Variants in ACTR1B observed in about 807,000 individuals in gnomAD.
ACTR1B encodes actin related protein 1B, also known as beta-centractin.
Under a neutral mutation model 49.4 loss-of-function variants are expected in ACTR1B, and 34 were observed. The ratio of observed to expected loss-of-function variants is 0.69; its 90% CI spans 0.52 to 0.92. The LOEUF (loss-of-function observed/expected upper bound fraction) is 0.92, where lower values mean the gene tolerates loss of function less well. Among genes scored for constraint, ACTR1B ranks in the 40% least tolerant of loss-of-function variants. The pLI is 0.00. For synonymous variants in ACTR1B, 207 were observed against 207.8 expected (o/e 1.00, Z 0.03); for missense variants, 471 against 522.4 (o/e 0.90, Z 0.96).
chr2:97,659,231 G>A lies in ACTR1B; in HGVS notation c.315+121C>T, dbSNP rs1674945881. Reference sequence around the variant, plus strand: ...ACGTATGCGCACCCAGACACACACGGAAAGGCAGCAGGCCCTCTAGAAATG... The same window carrying A: ...ACGTATGCGCACCCAGACACACACGAAAAGGCAGCAGGCCCTCTAGAAATG... On this transcript the variant is annotated intron_variant, in intron 4 of 10. Coordinates refer to ENST00000289228, the MANE Select transcript of ACTR1B (RefSeq NM_005735.4). The surrounding 1 kb of genome is among the most constrained non-coding windows in gnomAD (Gnocchi z 4.0). 28 of 1,512,516 alleles carry A rather than the reference G, an allele frequency of 1.9e-5. No individual in the cohort carries two copies. The South Asian group carries it at 3.4e-4, about 18-fold the overall frequency. 93.7% of individuals were successfully genotyped at this position (1,512,516 alleles called of 1,614,324 possible).
At position 97,660,261 on chromosome 2, in the gene ACTR1B, C is replaced by T. The variant is rs72949085; in HGVS notation, c.189+310G>A. On this transcript the variant is annotated intron_variant, in intron 3 of 10. Transcript: ENST00000289228. ...GACACTCCGGCTTCACTGTGAGAGG[C>T]GGCCCCATGGCCCTCATTAGAGCAG... 9.4e-3 allele frequency among the ~76,000 whole-genome samples: 1,437 copies of T among 152,354 alleles called. 31 individuals carry two copies. The highest frequency in any genetic ancestry group is 0.032 in the African/African-American group (1,344 of 41,582).
rs1391481041 is a variant in ACTR1B at position 97,659,495 on chromosome 2, G to A, written c.190-18C>T. 6.2e-7 allele frequency: 1 copy of A among 1,612,436 alleles called. No individual in the cohort carries two copies. Among genetic ancestry groups the A allele is most frequent in the South Asian group, 1.1e-5 (1 of 91,068 alleles). ...CGGTGCTCCTGGTGGGGTGGGAAGG[G>A]AGGTGTGGCACCCGGCCCTTGCTCA... On this transcript the variant is annotated intron_variant, in intron 3 of 10. Transcript: ENST00000289228. This position sits in a 1 kb window ranked among gnomAD's most constrained non-coding sequence, Gnocchi z 4.0.
intron 1 of ACTR1B, among the ~76,000 whole-genome samples, chr2:97,663,183 G>A (rs1675070475): frequency 6.6e-6 from 1 of 152,208 alleles, no homozygotes. Flanking sequence ...GCCACAGGAA[G>A]CCTGATGACA....
In ACTR1B at chr2:97,658,549, A is replaced by G. The variant is rs758801671; in HGVS notation, c.535T>C (p.Ser179Pro). 2 of 1,613,942 alleles carry G rather than the reference A, an allele frequency of 1.2e-6. No individual in the cohort carries two copies. Among genetic ancestry groups the G allele is most frequent in the African/African-American group, 1.3e-5 (1 of 74,878 alleles). ...PIYEGFAMPH[S>P]IMRVDIAGRD... ...CCGGCAATGTCCACCCGCATGATGG[A>G]GTGAGGCATGGCAAAGCCCTCATAG... Residue 179 changes from serine (S) to proline (P), a missense_variant, in exon 6 of 11, where the codon TCC (serine) becomes CCC (proline). Coordinates refer to ENST00000289228, the MANE Select transcript of ACTR1B (RefSeq NM_005735.4). This position sits in a 1 kb window ranked among gnomAD's most constrained non-coding sequence, Gnocchi z 5.9.
Position 97,663,974 on chromosome 2 carries a change from C to G in ACTR1B, c.-84G>C. The G allele has an allele frequency of 1.2e-6, 1 of 860,986 alleles. No homozygotes were observed. Among genetic ancestry groups the G allele is most frequent in the Non-Finnish European group, 1.5e-6 (1 of 652,916 alleles). The allele number at this position is 860,986 out of a possible 1,614,324, so 53.3% of individuals were successfully genotyped here. A position where few individuals can be genotyped will look rare whatever the true frequency, so the allele number is the denominator to read the frequency against. ...GCGGGCGGGAGGACCGGGACGGCGG[C>G]GGCTCCCGACGCGGCGCCGCTGCCC... On this transcript the variant is annotated 5_prime_UTR_variant, in exon 1 of 11. Transcript: ENST00000289228.
chr2:97,658,283 C>T lies in ACTR1B; in HGVS notation c.691G>A (p.Asp231Asn). Residue 231 changes from aspartate (D) to asparagine (N), a missense_variant, in exon 7 of 11, where the codon GAT becomes AAT. Transcript: ENST00000289228. The surrounding 1 kb of genome is among the most constrained non-coding windows in gnomAD (Gnocchi z 5.9). ...ACYLSINPQK[D>N]EALETEKVQY... The stretch of plus-strand genomic sequence containing the variant: ...ACCTTCTCCGTCTCCAGAGCCTCAT[C>T]CTTCTGTGGGTTGATGGACAGGTAG... The T allele has an allele frequency of 6.2e-7, 1 of 1,614,222 alleles. No individual in the cohort carries two copies. The highest frequency in any genetic ancestry group is 8.5e-7 in the Non-Finnish European group (1 of 1,180,032).
In ACTR1B at chr2:97,663,969, G is replaced by A. The variant is rs535781513; in HGVS notation, c.-79C>T. 14 of 886,148 alleles carry A rather than the reference G, an allele frequency of 1.6e-5. No homozygotes were observed. The South Asian group carries it at 4.5e-4, about 29-fold the overall frequency. 54.9% of individuals were successfully genotyped at this position (886,148 alleles called of 1,614,324 possible). ...GGCGGGCGGGCGGGAGGACCGGGAC[G>A]GCGGCGGCTCCCGACGCGGCGCCGC... On this transcript the variant is annotated 5_prime_UTR_variant, in exon 1 of 11. Transcript: ENST00000289228.
Position 97,658,870 on chromosome 2 carries a change from A to G in ACTR1B, c.440+9T>C. The G allele has an allele frequency of 3.7e-6, 6 of 1,613,970 alleles. No homozygotes were observed. The highest frequency in any genetic ancestry group is 5.1e-6 in the Non-Finnish European group (6 of 1,179,980). On this transcript the variant is annotated intron_variant, in intron 5 of 10. Coordinates refer to ENST00000289228, the MANE Select transcript of ACTR1B (RefSeq NM_005735.4). The surrounding 1 kb of genome is among the most constrained non-coding windows in gnomAD (Gnocchi z 5.9). ...GGACTCAGGGAGGCCAGGCTTAGGG[A>G]GCACTCACAGACTGAGCACAGCCTG...
In ACTR1B at chr2:97,656,715, G is replaced by A. The variant is rs1378010750; in HGVS notation, c.*143C>T. The A allele has an allele frequency of 9.1e-6, 6 of 661,886 alleles. No homozygotes were observed. The highest frequency in any genetic ancestry group is 3.6e-5 in the African/African-American group (2 of 55,688). 41.0% of individuals were successfully genotyped at this position (661,886 alleles called of 1,614,324 possible). A position where few individuals can be genotyped will look rare whatever the true frequency, so the allele number is the denominator to read the frequency against. On this transcript the variant is annotated 3_prime_UTR_variant, in exon 11 of 11. Coordinates refer to ENST00000289228, the MANE Select transcript of ACTR1B (RefSeq NM_005735.4). ...TCCTGTGTAGAGGGGAAGGCTGCAG[G>A]GGGGCACTGCTGTGCCACCCACCCA...
intron 10 of ACTR1B, 78 bp from the exon 11 acceptor site, chr2:97,657,038 T>A: frequency 1.3e-6 from 2 of 1,579,794 alleles, no homozygotes; most frequent in Non-Finnish European, 1.7e-6. Context: ...GAGTTGCATT[T>A]CCCTAATTTG....
At position 97,659,114 on chromosome 2, in the gene ACTR1B, C is replaced by A. The variant is rs1201870484; in HGVS notation, c.316-111G>T. Reference sequence around the variant, plus strand: ...GCGCACAGGCAGCTCAGCCTCCTACCCCTCCTGAGGGCCCCATCCCTTTAT... The same window carrying A: ...GCGCACAGGCAGCTCAGCCTCCTACACCTCCTGAGGGCCCCATCCCTTTAT... On this transcript the variant is annotated intron_variant, in intron 4 of 10. Coordinates refer to ENST00000289228, the MANE Select transcript of ACTR1B (RefSeq NM_005735.4). This position sits in a 1 kb window ranked among gnomAD's most constrained non-coding sequence, Gnocchi z 4.0. The A allele has an allele frequency of 9.1e-6, 14 of 1,541,446 alleles. No individual in the cohort carries two copies. Among genetic ancestry groups the A allele is most frequent in the Non-Finnish European group, 1.2e-5 (13 of 1,129,228 alleles).
rs1253630645 is a variant in ACTR1B, at chr2:97,658,865, T to G, written c.440+14A>C. The G allele has an allele frequency of 3.7e-6, 6 of 1,613,776 alleles. No individual in the cohort carries two copies. The highest frequency in any genetic ancestry group is 5.1e-6 in the Non-Finnish European group (6 of 1,179,924). ...GGACAGGACTCAGGGAGGCCAGGCTTAGGGAGCACTCACAGACTGAGCACA... is the reference window on the plus strand; with the variant it reads ...GGACAGGACTCAGGGAGGCCAGGCTGAGGGAGCACTCACAGACTGAGCACA... On this transcript the variant is annotated intron_variant, in intron 5 of 10. Transcript: ENST00000289228. The surrounding 1 kb of genome is among the most constrained non-coding windows in gnomAD (Gnocchi z 5.9).
At position 97,657,367 on chromosome 2, in the gene ACTR1B, C is replaced by G. The variant is rs1230421630; in HGVS notation, c.987+81G>C. 3 of 1,537,622 alleles carry G rather than the reference C, an allele frequency of 2.0e-6. No individual in the cohort carries two copies. In the Admixed American group the frequency reaches 5.0e-5, roughly 26 times the overall value. ...GGTGGACGTGAGCTGGTGAGCGGGT[C>G]TGGGGGCAGCATTCAACCTTCCTCC... is the stretch of plus-strand genomic sequence containing the variant. On this transcript the variant is annotated intron_variant, in intron 9 of 10. Transcript: ENST00000289228.
At chr2:97,663,808 G>C in intron 1 of ACTR1B, 35 bp downstream of exon 1, 1 of 1,346,934 alleles carries the variant, frequency 7.4e-7, no homozygotes, top group Non-Finnish European at 9.7e-7. Context: ...CCCGGGGGCG[G>C]GGCGCCCGCC....
chr2:97,656,559 C>T lies in ACTR1B; in HGVS notation c.*299G>A, dbSNP rs533606691. On this transcript the variant is annotated 3_prime_UTR_variant, in exon 11 of 11. Transcript: ENST00000289228. The stretch of plus-strand genomic sequence containing the variant: ...AGCTCAGGGAGGCAGCCCTGAGAGT[C>T]GGAGCAGGGAACCACAGGCCTAGCT... 4 of 335,210 alleles carry T rather than the reference C, an allele frequency of 1.2e-5. No homozygotes were observed. Among genetic ancestry groups the T allele is most frequent in the African/African-American group, 2.1e-5 (1 of 46,822 alleles). 20.8% of individuals were successfully genotyped at this position (335,210 alleles called of 1,614,324 possible). A position where few individuals can be genotyped will look rare whatever the true frequency, so the allele number is the denominator to read the frequency against.
chr2:97,656,799 T>C lies in ACTR1B; in HGVS notation c.*59A>G, dbSNP rs1674853214. On this transcript the variant is annotated 3_prime_UTR_variant, in exon 11 of 11. Transcript: ENST00000289228. Reference sequence around the variant, plus strand: ...GTATACGAGCCAAGACCAAAAAGGGTTAAAGGCTCTGTCTCCCCTCCCTCC... The same window carrying C: ...GTATACGAGCCAAGACCAAAAAGGGCTAAAGGCTCTGTCTCCCCTCCCTCC... 1 of 1,439,188 alleles carries C rather than the reference T, an allele frequency of 6.9e-7. No individual in the cohort carries two copies. The highest frequency in any genetic ancestry group is 2.0e-5 in the Admixed American group (1 of 50,838). 89.2% of individuals were successfully genotyped at this position (1,439,188 alleles called of 1,614,324 possible).
chr2:97,658,721 CA>C lies in ACTR1B; in HGVS notation c.441-79del. 6.3e-7 allele frequency: 1 copy of C among 1,583,176 alleles called. No individual in the cohort carries two copies. The highest frequency in any genetic ancestry group is 8.7e-7 in the Non-Finnish European group (1 of 1,154,908). ...CTCACCCAGGGGAGGAACCCTGGCA[CA>C]TCTGCATTATCTAGTCTGAAGAGAG... On this transcript the variant is annotated intron_variant, in intron 5 of 10. Transcript: ENST00000289228. This position sits in a 1 kb window ranked among gnomAD's most constrained non-coding sequence, Gnocchi z 5.9.
intron 1 of ACTR1B, among the ~76,000 whole-genome samples, chr2:97,662,197 G>C (rs1025828036): frequency 6.6e-6 from 1 of 152,196 alleles, no homozygotes; most frequent in African/African-American, 2.4e-5. Flanking sequence ...TTGGCATCTA[G>C]TGGGCAGAGG....
chr2:97,659,117 T>C lies in ACTR1B; in HGVS notation c.316-114A>G, dbSNP rs1225920868. On this transcript the variant is annotated intron_variant, in intron 4 of 10. Coordinates refer to ENST00000289228, the MANE Select transcript of ACTR1B (RefSeq NM_005735.4). This position sits in a 1 kb window ranked among gnomAD's most constrained non-coding sequence, Gnocchi z 4.0. ...CACAGGCAGCTCAGCCTCCTACCCCTCCTGAGGGCCCCATCCCTTTATCTG... is the reference window on the plus strand; with the variant it reads ...CACAGGCAGCTCAGCCTCCTACCCCCCCTGAGGGCCCCATCCCTTTATCTG... The C allele has an allele frequency of 6.5e-7, 1 of 1,528,344 alleles. No individual in the cohort carries two copies. The highest frequency in any genetic ancestry group is 8.9e-7 in the Non-Finnish European group (1 of 1,119,782). The allele number at this position is 1,528,344 out of a possible 1,614,324, so 94.7% of individuals were successfully genotyped here. A position where few individuals can be genotyped will look rare whatever the true frequency, so the allele number is the denominator to read the frequency against.
Sources: gnomAD v4.1 joint callset for allele counts (sites outside exome capture counted in the v4.1 genomes callset) on GRCh38, gnomAD v4.1.1 for gene constraint, Gnocchi (gnomAD v3.1) non-coding constraint, MANE v1.5 for transcripts, NCBI Gene and HGNC (gene_info 2026-07-23, HGNC 2026-07-21) for gene names.